GTPBP4: variants seen among roughly 807,000 people sequenced by gnomAD.
GTPBP4 encodes GTP binding protein 4, also known as GTP-binding protein 4.
In GTPBP4, 15 loss-of-function variants were observed where a neutral mutation model predicts 81.7. The observed-to-expected ratio is 0.18, with a 90% CI of 0.12 to 0.28. The LOEUF is 0.28. GTPBP4 is among the 10% of genes least tolerant of loss of function. GTPBP4 has a pLI of 1.00. For synonymous variants in GTPBP4, 272 were observed against 274.6 expected (o/e 0.99, Z 0.09); for missense variants, 847 against 793.8 (o/e 1.07, Z -0.81).
chr10:990,194 G>A (rs527469959), intron 1 of GTPBP4, among the ~76,000 whole-genome samples: 8 of 152,168 alleles, frequency 5.3e-5, no homozygotes, highest in African/African-American at 9.6e-5. Context: ...TACACCATCC[G>A]TCTTCTGTTC....
chr10:1,011,718 C>T (rs1269003766), intron 13 of GTPBP4, among the ~76,000 whole-genome samples: 1 of 152,260 alleles, frequency 6.6e-6, no homozygotes, highest in African/African-American at 2.4e-5. Flanking sequence ...ATCTCAATTT[C>T]GTTGGTGCTG....
At chr10:1,005,323 T>C (rs1227616932) in intron 8 of GTPBP4, among the ~76,000 whole-genome samples, 1 of 152,108 alleles carries the variant, frequency 6.6e-6, no homozygotes, top group Admixed American at 6.5e-5. Context: ...TTTTTTATAT[T>C]TTTAGCAGAG....
At chr10:1,007,282 C>T (rs912195374) in intron 10 of GTPBP4, 154 bp downstream of exon 10, 4 of 585,264 alleles carry the variant, frequency 6.8e-6, no homozygotes, top group Non-Finnish European at 1.2e-5. Context: ...CATAAAGGAT[C>T]GAGAAGGTGA....
chr10:1,014,976 C>T (rs761073231), intron 15 of GTPBP4, among the ~76,000 whole-genome samples: 110 of 152,208 alleles, frequency 7.2e-4, no homozygotes, highest in Non-Finnish European at 1.3e-3. Context: ...CTGCAGTTTC[C>T]GTCTGATGGT....
At chr10:990,448 T>C (rs1483586029) in intron 1 of GTPBP4, among the ~76,000 whole-genome samples, 5 of 151,914 alleles carry the variant, frequency 3.3e-5, no homozygotes, top group African/African-American at 1.2e-4. Context: ...CGAGGCCGGG[T>C]GCGGTGGCTC....
At position 999,109 on chromosome 10, in the gene GTPBP4, C is replaced by T; in HGVS notation, c.654+14C>T. On this transcript the variant is annotated intron_variant, in intron 6 of 16. Transcript: ENST00000360803. Reference sequence around the variant, plus strand: ...CTACGTTGGCAGGTGAGAGTCTTGTCTTTATTTTTATTCATTTATTTATTT... The same window carrying T: ...CTACGTTGGCAGGTGAGAGTCTTGTTTTTATTTTTATTCATTTATTTATTT... 1 of 1,370,060 alleles carries T rather than the reference C, an allele frequency of 7.3e-7. No individual in the cohort carries two copies. The highest frequency in any genetic ancestry group is 1.4e-5 in the African/African-American group (1 of 70,330). 84.9% of individuals were successfully genotyped at this position (1,370,060 alleles called of 1,614,324 possible).
chr10:1,001,395 T>A (rs1183310719), intron 8 of GTPBP4, among the ~76,000 whole-genome samples: 1 of 152,208 alleles, frequency 6.6e-6, no homozygotes, highest in Non-Finnish European at 1.5e-5. Context: ...AAGGAGGATC[T>A]TGGAATTTGG....
At chr10:992,416 A>AT in intron 1 of GTPBP4, 73 bp from the exon 2 acceptor site, 16 of 897,858 alleles carry the variant, frequency 1.8e-5, no homozygotes, top group Non-Finnish European at 2.8e-5. Context: ...AAAAAAAAAA[A>AT]GGAAGGTTTC....
intron 10 of GTPBP4, 76 bp downstream of exon 10, chr10:1,007,204 C>A: frequency 1.3e-6 from 1 of 792,016 alleles, no homozygotes; most frequent in Non-Finnish European, 2.2e-6. Context: ...TTCCAGAAGC[C>A]TCCCATCCAG....
Position 996,251 on chromosome 10 carries a change from CACGCATCCGCGGGA to C in GTPBP4, c.460+12_460+25del. On this transcript the variant is annotated intron_variant, in intron 4 of 16. Transcript: ENST00000360803. ...GGAGTATTTGGAGCAAGGTGCTTGT[CACGCATCCGCGGGA>C]ACCGTGCTAGCATCCTGCTGAGAGG... 3 of 1,608,550 alleles carry C rather than the reference CACGCATCCGCGGGA, an allele frequency of 1.9e-6. No homozygotes were observed. In the South Asian group the frequency reaches 3.3e-5, roughly 18 times the overall value.
At chr10:1,014,988 T>C (rs1032653713) in intron 15 of GTPBP4, among the ~76,000 whole-genome samples, 4 of 152,220 alleles carry the variant, frequency 2.6e-5, no homozygotes, top group Non-Finnish European at 5.9e-5. Context: ...TCTGATGGTT[T>C]CTGTCTGATG....
chr10:996,220 G>T lies in GTPBP4; in HGVS notation c.438G>T (p.Gln146His), dbSNP rs201953115. ...RMCTVIKRQK[Q>H]SLEYLEQVRQ... Reference sequence around the variant, plus strand: ...GCACAGTGATCAAGAGGCAGAAGCAGAGTTTGGAGTATTTGGAGCAAGGTG... The same window carrying T: ...GCACAGTGATCAAGAGGCAGAAGCATAGTTTGGAGTATTTGGAGCAAGGTG... Residue 146 changes from glutamine (Q) to histidine (H), a missense_variant, in exon 4 of 17, where the codon CAG becomes CAT. Around this residue, in one of 3 missense-constraint regions of GTPBP4, gnomAD observed 241 missense variants for 216.3 expected, o/e 1.11. Coordinates refer to ENST00000360803, the MANE Select transcript of GTPBP4 (RefSeq NM_012341.3). The T allele has an allele frequency of 1.2e-6, 2 of 1,613,348 alleles. No homozygotes were observed. Among genetic ancestry groups the T allele is most frequent in the Non-Finnish European group, 1.7e-6 (2 of 1,179,624 alleles).
intron 2 of GTPBP4, among the ~76,000 whole-genome samples, chr10:992,953 A>T (rs1266324285): frequency 6.6e-6 from 1 of 152,206 alleles, no homozygotes; most frequent in Non-Finnish European, 1.5e-5. Flanking sequence ...GTGCCAACCC[A>T]AGTGTTAATG....
chr10:994,444 T>C (rs562097429), intron 2 of GTPBP4, among the ~76,000 whole-genome samples: 1 of 152,116 alleles, frequency 6.6e-6, no homozygotes, highest in South Asian at 2.1e-4. Flanking sequence ...AATTTTTGTG[T>C]TTTTTTAGTA....
chr10:990,767 G>T (rs1004359297), intron 1 of GTPBP4, among the ~76,000 whole-genome samples: 1 of 143,268 alleles, frequency 7.0e-6, no homozygotes, highest in African/African-American at 2.6e-5. Flanking sequence ...GTCATATCTC[G>T]TATGACCATA....
intron 2 of GTPBP4, 64 bp downstream of exon 2, chr10:992,723 C>A: frequency 1.0e-6 from 1 of 970,514 alleles, no homozygotes. Context: ...CAGTGTTTAA[C>A]CAGTTTGGTG....
chr10:1,017,042 T>C, intron 16 of GTPBP4, 33 bp from the exon 17 acceptor site: 10 of 1,585,016 alleles, frequency 6.3e-6, no homozygotes, highest in Non-Finnish European at 8.6e-6. Context: ...TTTTAAGTAA[T>C]GAACATACTT....
rs1832048329 is a variant in GTPBP4, at chr10:1,019,419, C to G, written c.*2192C>G. 1.1e-6 allele frequency: 1 copy of G among 917,460 alleles called. No individual in the cohort carries two copies. Among genetic ancestry groups the G allele is most frequent in the Admixed American group, 2.8e-5 (1 of 35,562 alleles). 56.8% of individuals were successfully genotyped at this position (917,460 alleles called of 1,614,324 possible). On this transcript the variant is annotated 3_prime_UTR_variant, in exon 17 of 17. Coordinates refer to ENST00000360803, the MANE Select transcript of GTPBP4 (RefSeq NM_012341.3). ...ATACATGATGGGCAATCAAGTGCCCCTTTTGCCCTGTTTTTTGGAGAGGGT... is the reference window on the plus strand; with the variant it reads ...ATACATGATGGGCAATCAAGTGCCCGTTTTGCCCTGTTTTTTGGAGAGGGT...
Position 1,012,670 on chromosome 10 carries a change from T to G in GTPBP4, c.1542+8T>G. 3 of 1,603,474 alleles carry G rather than the reference T, an allele frequency of 1.9e-6. No individual in the cohort carries two copies. The highest frequency in any genetic ancestry group is 2.6e-6 in the Non-Finnish European group (3 of 1,172,052). ...CCGCGAACTGCTAAGAAGGCAAGTT[T>G]GTGTCTTTCCAAAGCAGTGTGATCT... On this transcript the variant is annotated splice_region_variant and intron_variant, in intron 14 of 16. Coordinates refer to ENST00000360803, the MANE Select transcript of GTPBP4 (RefSeq NM_012341.3).
Sources: allele counts gnomAD v4.1 joint callset (sites outside exome capture counted in the v4.1 genomes callset), GRCh38; gene constraint gnomAD v4.1.1; regional missense constraint gnomAD v4.1.1; transcripts MANE v1.5; gene names NCBI Gene and HGNC (gene_info 2026-07-23, HGNC 2026-07-21).